BRINP3: variants seen among roughly 807,000 people sequenced by gnomAD.
BRINP3 encodes BMP/retinoic acid-inducible neural-specific protein 3.
A neutral mutation model predicts 71.0 loss-of-function variants in BRINP3; 19 were observed. The observed-to-expected ratio is 0.27, with a 90% CI of 0.19 to 0.39. BRINP3 has a LOEUF of 0.39. BRINP3 is among the 10% of genes least tolerant of loss of function. BRINP3 has a pLI of 1.00. For synonymous variants in BRINP3, 380 were observed against 337.7 expected, an observed-to-expected ratio of 1.13 and a Z score of -1.37; for missense variants, 959 against 940.8, an observed-to-expected ratio of 1.02 and a Z score of -0.25.
intron 1 of BRINP3, among the ~76,000 whole-genome samples, chr1:190,457,041 T>C (rs549504722): frequency 2.6e-5 from 4 of 152,288 alleles, no homozygotes; most frequent in Non-Finnish European, 5.9e-5. Flanking sequence ...AAATCAGATT[T>C]TCTCCAAACC....
At chr1:190,144,650 A>G (rs1260972390) in intron 7 of BRINP3, among the ~76,000 whole-genome samples, 1 of 152,178 alleles carries the variant, frequency 6.6e-6, no homozygotes, top group African/African-American at 2.4e-5. Flanking sequence ...AAAAACCTAA[A>G]TAATATTTCT....
intron 7 of BRINP3, among the ~76,000 whole-genome samples, chr1:190,159,794 C>G (rs1288329841): frequency 6.6e-6 from 1 of 151,654 alleles, no homozygotes; most frequent in Admixed American, 6.6e-5. Flanking sequence ...TTTTTTTATA[C>G]TAGACACCAA....
intron 7 of BRINP3, among the ~76,000 whole-genome samples, chr1:190,103,818 A>G (rs1651907699): frequency 1.3e-5 from 2 of 152,034 alleles, no homozygotes; most frequent in African/African-American, 2.4e-5. Context: ...AGAATAAGCC[A>G]CACACTAAAG....
intron 6 of BRINP3, among the ~76,000 whole-genome samples, chr1:190,188,052 C>A (rs935853164): frequency 3.3e-5 from 5 of 151,894 alleles, no homozygotes; most frequent in Non-Finnish European, 5.9e-5. Flanking sequence ...TTCTCAATTT[C>A]TTTTATCAGT....
chr1:190,353,814 C>G (rs1462790585), intron 2 of BRINP3, among the ~76,000 whole-genome samples: 2 of 152,018 alleles, frequency 1.3e-5, no homozygotes, highest in African/African-American at 4.8e-5. Context: ...ATTACACCAT[C>G]TCCACATACA....
intron 3 of BRINP3, among the ~76,000 whole-genome samples, chr1:190,278,842 A>G (rs1662823668): frequency 6.6e-6 from 1 of 151,462 alleles, no homozygotes; most frequent in African/African-American, 2.4e-5. Flanking sequence ...AATCTTACAA[A>G]TTTTGAAACA....
At chr1:190,471,542 C>T (rs1016148481) in intron 1 of BRINP3, among the ~76,000 whole-genome samples, 1 of 151,228 alleles carries the variant, frequency 6.6e-6, no homozygotes, top group African/African-American at 2.4e-5. Flanking sequence ...ATAAGTTTAT[C>T]CAAGTAGTTG....
intron 2 of BRINP3, among the ~76,000 whole-genome samples, chr1:190,385,974 C>A (rs1157090562): frequency 6.8e-6 from 1 of 147,134 alleles, no homozygotes; most frequent in South Asian, 2.2e-4. Context: ...AGTAAACTAT[C>A]GCAAGAACAA....
chr1:190,444,980 G>A (rs1011068060), intron 2 of BRINP3, among the ~76,000 whole-genome samples: 3 of 151,840 alleles, frequency 2.0e-5, no homozygotes, highest in Non-Finnish European at 4.4e-5. Flanking sequence ...CACATATCAC[G>A]TCAGTAAGAG....
intron 6 of BRINP3, among the ~76,000 whole-genome samples, chr1:190,197,089 A>G (rs1001047875): frequency 6.6e-6 from 1 of 152,030 alleles, no homozygotes; most frequent in African/African-American, 2.4e-5. Context: ...AGGCCTCACA[A>G]TCATGGCGGA....
chr1:190,127,255 C>T lies in BRINP3; in HGVS notation c.1185-28121G>A, dbSNP rs568484263. 1.3e-4 allele frequency among the ~76,000 whole-genome samples: 20 copies of T among 151,702 alleles called. No individual in the cohort carries two copies. In the South Asian group the frequency reaches 3.3e-3, roughly 25 times the overall value. On this transcript the variant is annotated intron_variant, in intron 7 of 7. Transcript: ENST00000367462. ...TCCAAATTTTATCTTTGAAACTGCACGTTAATACATCCTTTATTAATCTGC... is the reference window on the plus strand; with the variant it reads ...TCCAAATTTTATCTTTGAAACTGCATGTTAATACATCCTTTATTAATCTGC...
chr1:190,217,598 G>A (rs1251161465), intron 6 of BRINP3, among the ~76,000 whole-genome samples: 1 of 151,910 alleles, frequency 6.6e-6, no homozygotes, highest in Non-Finnish European at 1.5e-5. Context: ...GAATTCTTAA[G>A]TTTACAGCAA....
intron 2 of BRINP3, among the ~76,000 whole-genome samples, chr1:190,435,199 C>A (rs549425366): frequency 6.6e-6 from 1 of 152,264 alleles, no homozygotes; most frequent in South Asian, 2.1e-4. Flanking sequence ...TTTTAAATCT[C>A]TATCCTCTAC....
At chr1:190,215,567 T>G (rs1415886287) in intron 6 of BRINP3, among the ~76,000 whole-genome samples, 1 of 151,984 alleles carries the variant, frequency 6.6e-6, no homozygotes, top group East Asian at 1.9e-4. Flanking sequence ...TTAAAAAAAT[T>G]TATTTTTTCT....
intron 2 of BRINP3, among the ~76,000 whole-genome samples, chr1:190,300,720 T>A (rs923816148): frequency 7.2e-5 from 11 of 152,096 alleles, no homozygotes; most frequent in African/African-American, 2.7e-4. Context: ...GAGGGTCCTG[T>A]CTGTTAGAAG....
chr1:190,106,971 T>C lies in BRINP3; in HGVS notation c.1185-7837A>G, dbSNP rs545417788. 2.5e-3 allele frequency among the ~76,000 whole-genome samples: 377 copies of C among 152,050 alleles called. 4 individuals are homozygous for C. The highest frequency in any genetic ancestry group is 3.6e-3 in the Non-Finnish European group (242 of 67,838). ...ATTTAGCATCCCTTTAAACCAAATGTTTCTGGACTCACTACTTACTCTCTT... is the reference window on the plus strand; with the variant it reads ...ATTTAGCATCCCTTTAAACCAAATGCTTCTGGACTCACTACTTACTCTCTT... On this transcript the variant is annotated intron_variant, in intron 7 of 7. Coordinates refer to ENST00000367462, the MANE Select transcript of BRINP3 (RefSeq NM_199051.3).
chr1:190,457,965 G>A (rs1229154659), intron 1 of BRINP3, among the ~76,000 whole-genome samples: 1 of 150,330 alleles, frequency 6.7e-6, no homozygotes, highest in African/African-American at 2.4e-5. Context: ...CGTATAGCAT[G>A]ATGTAATATG....
At chr1:190,417,699 T>C (rs897149760) in intron 2 of BRINP3, among the ~76,000 whole-genome samples, 15 of 152,104 alleles carry the variant, frequency 9.9e-5, no homozygotes, top group African/African-American at 3.4e-4. Context: ...AATATAAAAA[T>C]ATAGACTTTT....
chr1:190,172,939 CT>C (rs2102503285), intron 6 of BRINP3, among the ~76,000 whole-genome samples: 1 of 152,270 alleles, frequency 6.6e-6, no homozygotes, highest in East Asian at 1.9e-4. Flanking sequence ...TCGGACCTGT[CT>C]GCAAACTAAG....
Sources: gnomAD v4.1 joint callset for allele counts (sites outside exome capture counted in the v4.1 genomes callset) on GRCh38, gnomAD v4.1.1 for gene constraint, MANE v1.5 for transcripts, NCBI Gene and HGNC (gene_info 2026-07-23, HGNC 2026-07-21) for gene names.